CYLC2: variants seen among roughly 807,000 people sequenced by gnomAD.
The protein encoded by CYLC2 is cylicin 2.
Under a neutral mutation model 26.1 loss-of-function variants are expected in CYLC2, and 30 were observed. The observed-to-expected ratio is 1.15, with a 90% CI of 0.86 to 1.56. The LOEUF is 1.56. Among genes scored for constraint, CYLC2 ranks in the 40% most tolerant of loss-of-function variants. The pLI, the probability that CYLC2 is intolerant of heterozygous loss-of-function variation, is 0.00. For synonymous variants in CYLC2, 158 were observed against 132.8 expected, an observed-to-expected ratio of 1.19 and a Z score of -1.31; for missense variants, 498 against 394.4, an observed-to-expected ratio of 1.26 and a Z score of -2.23.
chr9:103,004,703 T>A lies in CYLC2; in HGVS notation c.189T>A (p.Asp63Glu). The A allele has an allele frequency of 6.3e-7, 1 of 1,589,846 alleles. No individual in the cohort carries two copies. Among genetic ancestry groups the A allele is most frequent in the Non-Finnish European group, 8.5e-7 (1 of 1,172,370 alleles). The change falls in exon 4 of 8, where the codon GAT (aspartate) becomes GAA (glutamate). Residue 63 changes from aspartate (D) to glutamate (E), a missense_variant. Asp to Glu is a conservative substitution (Grantham distance 45). Coordinates refer to ENST00000374798, the MANE Select transcript of CYLC2 (RefSeq NM_001340.5). The part of the protein sequence containing the change: ...QIRDNTVSII[D>E]EEQLRGDRRQ... ...TTGTAACCATCTTTCAGATAATTGA[T>A]GAAGAACAATTAAGAGGAGATCGTA...
chr9:103,013,611 T>C (rs1249369884), intron 6 of CYLC2, among the ~76,000 whole-genome samples: 2 of 112,364 alleles, frequency 1.8e-5, no homozygotes, highest in Non-Finnish European at 3.2e-5. Flanking sequence ...ATAAATATTT[T>C]ATATATAATA....
intron 6 of CYLC2, among the ~76,000 whole-genome samples, chr9:103,012,476 T>C (rs1212178414): frequency 6.6e-6 from 1 of 152,088 alleles, no homozygotes; most frequent in Admixed American, 6.6e-5. Flanking sequence ...CACAGTTCCA[T>C]TCTAAGCCTT....
chr9:103,004,867 T>C lies in CYLC2; in HGVS notation c.337+16T>C. On this transcript the variant is annotated intron_variant, in intron 4 of 7. Transcript: ENST00000374798. ...AAAGCAGCAGGTAGAGATAACTTACTGTTTTTATAGTATCTCTGTAATTTT... is the reference window on the plus strand; with the variant it reads ...AAAGCAGCAGGTAGAGATAACTTACCGTTTTTATAGTATCTCTGTAATTTT... The C allele has an allele frequency of 6.2e-7, 1 of 1,602,770 alleles. No homozygotes were observed. The highest frequency in any genetic ancestry group is 8.5e-7 in the Non-Finnish European group (1 of 1,176,894).
At chr9:103,003,527 TA>T (rs1490330531) in intron 3 of CYLC2, among the ~76,000 whole-genome samples, 4 of 152,290 alleles carry the variant, frequency 2.6e-5, no homozygotes, top group Admixed American at 1.3e-4. Flanking sequence ...ACATTTAAAT[TA>T]CATTGAATTA....
At chr9:102,996,706 G>A (rs960988164) in intron 1 of CYLC2, among the ~76,000 whole-genome samples, 8 of 151,972 alleles carry the variant, frequency 5.3e-5, no homozygotes, top group African/African-American at 1.9e-4. Context: ...CAGAGCCTTA[G>A]TTTTGGACTT....
intron 6 of CYLC2, among the ~76,000 whole-genome samples, chr9:103,016,619 C>T (rs1031415711): frequency 6.6e-6 from 1 of 151,844 alleles, no homozygotes; most frequent in Non-Finnish European, 1.5e-5. Context: ...CTATTAATTT[C>T]AGGTTGTTGT....
At chr9:103,004,561 A>G in intron 3 of CYLC2, 134 bp from the exon 4 acceptor site, 2 of 635,940 alleles carry the variant, frequency 3.1e-6, no homozygotes, top group Non-Finnish European at 5.1e-6. Flanking sequence ...AAAGGATGAA[A>G]TCTCAAACTT....
In CYLC2 at chr9:102,999,371, A is replaced by C. The variant is rs189894151; in HGVS notation, c.18-2207A>C. Among the ~76,000 whole-genome samples the C allele has an allele frequency of 1.5e-3, 232 of 151,974 alleles. 1 individual carries two copies. The highest frequency in any genetic ancestry group is 1.8e-3 in the Non-Finnish European group (121 of 67,790). On this transcript the variant is annotated intron_variant, in intron 1 of 7. Transcript: ENST00000374798. ...ATTACATTTGATTGGCAGCTTTAAC[A>C]GTTATTATTATAGATGTCACTGGAT...
intron 6 of CYLC2, among the ~76,000 whole-genome samples, chr9:103,016,112 C>T (rs1829502341): frequency 6.6e-6 from 1 of 151,626 alleles, no homozygotes; most frequent in Non-Finnish European, 1.5e-5. Flanking sequence ...TACATATACA[C>T]ATTTATGTCT....
chr9:103,008,901 C>G (rs1829378142), intron 5 of CYLC2, among the ~76,000 whole-genome samples: 1 of 152,106 alleles, frequency 6.6e-6, no homozygotes, highest in African/African-American at 2.4e-5. Flanking sequence ...CTCCCTTGGT[C>G]AAAGCTTTCT....
At chr9:103,006,843 T>G (rs10990427) in intron 5 of CYLC2, among the ~76,000 whole-genome samples, 14,806 of 152,160 alleles carry the variant, frequency 0.097, 862 homozygotes, top group African/African-American at 0.16. Flanking sequence ...AAGATCTATT[T>G]TATAGCATGG....
intron 5 of CYLC2, among the ~76,000 whole-genome samples, chr9:103,007,130 A>G (rs1829360224): frequency 6.6e-6 from 1 of 152,132 alleles, no homozygotes; most frequent in Non-Finnish European, 1.5e-5. Context: ...TTTTCTGAGT[A>G]AATTTCTTTT....
chr9:103,013,349 A>C (rs1457877010), intron 6 of CYLC2, among the ~76,000 whole-genome samples: 3 of 88,744 alleles, frequency 3.4e-5, no homozygotes, highest in Non-Finnish European at 6.0e-5. Context: ...TTATATAAAT[A>C]TATATTATAT....
intron 5 of CYLC2, among the ~76,000 whole-genome samples, chr9:103,008,060 T>C (rs1350678878): frequency 6.6e-6 from 1 of 151,200 alleles, no homozygotes; most frequent in African/African-American, 2.5e-5. Flanking sequence ...CCTCTGCATA[T>C]AGTAAAATTA....
intron 3 of CYLC2, among the ~76,000 whole-genome samples, chr9:103,004,459 A>C (rs2118236301): frequency 6.6e-6 from 1 of 152,210 alleles, no homozygotes; most frequent in South Asian, 2.1e-4. Flanking sequence ...ATCCCGAGGG[A>C]GCTATGAAGA....
rs1829297364 is a variant in CYLC2, at chr9:103,002,367, T to A, written c.58+749T>A. 5.3e-5 allele frequency among the ~76,000 whole-genome samples: 7 copies of A among 133,188 alleles called. No individual in the cohort carries two copies. In the Admixed American group the frequency reaches 5.4e-4, roughly 10 times the overall value. 87.4% of individuals were successfully genotyped at this position (133,188 alleles called of 152,430 possible). ...TATAGCATTTGCCCCCTTTTTTTTTTTTTTTTTTTTTTTTTTGAGACAGAG... is the reference window on the plus strand; with the variant it reads ...TATAGCATTTGCCCCCTTTTTTTTTATTTTTTTTTTTTTTTTGAGACAGAG... On this transcript the variant is annotated intron_variant, in intron 2 of 7. Transcript: ENST00000374798.
intron 6 of CYLC2, among the ~76,000 whole-genome samples, chr9:103,013,156 T>TATATATTATATAAATGTATATTTA (rs1829428443): frequency 9.0e-6 from 1 of 111,244 alleles, no homozygotes; most frequent in Non-Finnish European, 1.7e-5. Context: ...CATATATAAA[T>TATATATTATATAAATGTATATTTA]ATATATTATA....
chr9:103,011,636 G>C (rs1392896718), intron 5 of CYLC2, among the ~76,000 whole-genome samples: 2 of 152,036 alleles, frequency 1.3e-5, no homozygotes. Flanking sequence ...AACTTTGCAA[G>C]AGATGGCAAA....
chr9:103,014,947 C>T (rs1171766737), intron 6 of CYLC2, among the ~76,000 whole-genome samples: 3 of 127,036 alleles, frequency 2.4e-5, no homozygotes, highest in Admixed American at 8.7e-5. Context: ...ATACATAATA[C>T]ATGTAATATA....
Sources: allele counts gnomAD v4.1 joint callset (sites outside exome capture counted in the v4.1 genomes callset), GRCh38; gene constraint gnomAD v4.1.1; transcripts MANE v1.5; gene names NCBI Gene and HGNC (gene_info 2026-07-23, HGNC 2026-07-21).